Variants in ITGA4 observed in about 807,000 individuals in gnomAD.
ITGA4 encodes integrin alpha-4.
Under a neutral mutation model 133.6 loss-of-function variants are expected in ITGA4, and 63 were observed. The ratio of observed to expected loss-of-function variants is 0.47; its 90% CI spans 0.38 to 0.58. ITGA4 has a LOEUF of 0.58. Ranked by LOEUF, ITGA4 falls within the 20% of genes least tolerant of loss-of-function variation. The pLI is 0.00. For missense variants in ITGA4, 1,076 were observed against 1,252.7 expected (o/e 0.86, Z 2.13); for synonymous variants, 483 against 438.0 (o/e 1.10, Z -1.28).
chr2:181,529,962 T>C (rs1274554422), intron 23 of ITGA4, among the ~76,000 whole-genome samples: 3 of 152,212 alleles, frequency 2.0e-5, no homozygotes, highest in African/African-American at 7.2e-5. Flanking sequence ...GTAACTTCTA[T>C]TAGTAGAATT....
chr2:181,471,275 C>T (rs2105722299), intron 2 of ITGA4, among the ~76,000 whole-genome samples: 1 of 152,226 alleles, frequency 6.6e-6, no homozygotes, highest in Non-Finnish European at 1.5e-5. Context: ...ACTGACCTTT[C>T]CATTTCAGCA....
intron 6 of ITGA4, 22 bp downstream of exon 6, chr2:181,480,288 T>A: frequency 7.7e-7 from 1 of 1,301,324 alleles, no homozygotes; most frequent in East Asian, 2.5e-5. Context: ...ATTGACAAAC[T>A]TAAATGATCT....
In ITGA4 at chr2:181,536,142, G is replaced by T. The variant is rs917492267; in HGVS notation, c.*615G>T. Reference sequence around the variant, plus strand: ...TTATAGGCCAAACTGGCAAACTTCAGACTGAACATGTACACTGGTTTGAGC... The same window carrying T: ...TTATAGGCCAAACTGGCAAACTTCATACTGAACATGTACACTGGTTTGAGC... On this transcript the variant is annotated 3_prime_UTR_variant, in exon 28 of 28. Coordinates refer to ENST00000397033, the MANE Select transcript of ITGA4 (RefSeq NM_000885.6). 6.6e-6 allele frequency: 1 copy of T among 151,758 alleles called. No individual in the cohort carries two copies. Among genetic ancestry groups the T allele is most frequent in the African/African-American group, 2.4e-5 (1 of 41,370 alleles). The allele number at this position is 151,758 out of a possible 1,614,324, so 9.4% of individuals were successfully genotyped here.
At chr2:181,489,350 T>G (rs1228943496) in intron 10 of ITGA4, among the ~76,000 whole-genome samples, 1 of 148,816 alleles carries the variant, frequency 6.7e-6, no homozygotes, top group Non-Finnish European at 1.5e-5. Flanking sequence ...AGATGACCAA[T>G]TGATTTGGCA....
At chr2:181,483,596 T>C (rs1048436142) in intron 9 of ITGA4, among the ~76,000 whole-genome samples, 4 of 152,214 alleles carry the variant, frequency 2.6e-5, no homozygotes, top group Admixed American at 2.6e-4. Flanking sequence ...GTCTCATAAA[T>C]GGAAGATTCT....
intron 10 of ITGA4, among the ~76,000 whole-genome samples, chr2:181,489,891 G>C (rs1395821580): frequency 6.6e-6 from 1 of 152,174 alleles, no homozygotes; most frequent in African/African-American, 2.4e-5. Flanking sequence ...AGTTAAAGAA[G>C]GAAGGGGTTT....
chr2:181,467,225 TAAAA>T, intron 2 of ITGA4, among the ~76,000 whole-genome samples: 1 of 149,654 alleles, frequency 6.7e-6, no homozygotes, highest in Middle Eastern at 3.4e-3. Context: ...AGCTTCAGCT[TAAAA>T]AAAAAAGACA....
chr2:181,525,380 A>G, intron 21 of ITGA4, 89 bp downstream of exon 21: 3 of 660,498 alleles, frequency 4.5e-6, no homozygotes, highest in Non-Finnish European at 7.8e-6. Flanking sequence ...GTATTCTAGA[A>G]TTTTTTTAAA....
chr2:181,523,897 G>T lies in ITGA4; in HGVS notation c.2170-274G>T, dbSNP rs1335486048. ...TTTGGCAAGAGTCTCCACTCAAGTT[G>T]TGAAAGCATTTCTAATTTTGTCTAG... On this transcript the variant is annotated intron_variant, in intron 19 of 27. Coordinates refer to ENST00000397033, the MANE Select transcript of ITGA4 (RefSeq NM_000885.6). The surrounding 1 kb of genome is among the most constrained non-coding windows in gnomAD (Gnocchi z 4.2). 6.6e-6 allele frequency among the ~76,000 whole-genome samples: 1 copy of T among 152,120 alleles called. No individual in the cohort carries two copies. Among genetic ancestry groups the T allele is most frequent in the African/African-American group, 2.4e-5 (1 of 41,434 alleles).
At position 181,457,736 on chromosome 2, in the gene ITGA4, G is replaced by T. The variant is rs202188020; in HGVS notation, c.82G>T (p.Val28Phe). ...ETVMLLLCLG[V>F]PTGRPYNVDT... ...GGTGATGCTGTTGCTGTGCCTGGGG[G>T]TCCCGACCGGCCGCCCCTACAACGT... Residue 28 changes from valine (V) to phenylalanine (F), a missense_variant, in exon 1 of 28, where the codon GTC (valine) becomes TTC (phenylalanine). By Grantham distance (50) the Val-to-Phe change is conservative (BLOSUM62 -1). Around this residue, in one of 4 missense-constraint regions of ITGA4, gnomAD observed 82 missense variants for 68.3 expected, o/e 1.20. Transcript: ENST00000397033. The T allele has an allele frequency of 2.5e-4, 405 of 1,612,830 alleles. 1 individual carries two copies. Among genetic ancestry groups the T allele is most frequent in the Non-Finnish European group, 3.2e-4 (379 of 1,179,792 alleles).
chr2:181,469,528 C>T (rs1685496244), intron 2 of ITGA4, among the ~76,000 whole-genome samples: 1 of 152,128 alleles, frequency 6.6e-6, no homozygotes, highest in Non-Finnish European at 1.5e-5. Flanking sequence ...GGATCTAGAA[C>T]TAGAAAATAC....
At chr2:181,487,895 G>A (rs1291164709) in intron 10 of ITGA4, among the ~76,000 whole-genome samples, 2 of 152,180 alleles carry the variant, frequency 1.3e-5, no homozygotes, top group Non-Finnish European at 2.9e-5. Flanking sequence ...CCATGTTTAT[G>A]CATTTTGATT....
In ITGA4 at chr2:181,534,275, G is replaced by A; in HGVS notation, c.2788G>A (p.Glu930Lys). Reference sequence around the variant, plus strand: ...TGATCCTTCTTTTATTAAACAGGATGAGACTTCAGCACTCAAGTTTGAAAT... The same window carrying A: ...TGATCCTTCTTTTATTAAACAGGATAAGACTTCAGCACTCAAGTTTGAAAT... ...EGRPSILEMD[E>K]TSALKFEIRA... Residue 930 changes from glutamate (E) to lysine (K), a missense_variant, in exon 26 of 28, where the codon GAG becomes AAG. Physicochemically the swap from Glu to Lys is moderately conservative, Grantham distance 56. Transcript: ENST00000397033. The A allele has an allele frequency of 6.3e-7, 1 of 1,587,748 alleles. No individual in the cohort carries two copies. Among genetic ancestry groups the A allele is most frequent in the Admixed American group, 1.7e-5 (1 of 59,948 alleles).
Position 181,488,434 on chromosome 2 carries a change from A to G in ITGA4, c.1153+2442A>G, listed in dbSNP as rs1053235082. 2.0e-5 allele frequency among the ~76,000 whole-genome samples: 3 copies of G among 152,152 alleles called. No individual in the cohort carries two copies. The South Asian group carries it at 6.2e-4, about 32-fold the overall frequency. ...AAATGATTTTTTAAAATATTCCTGCATATTTTTGTGCTATTTATAATGTCA... is the reference window on the plus strand; with the variant it reads ...AAATGATTTTTTAAAATATTCCTGCGTATTTTTGTGCTATTTATAATGTCA... On this transcript the variant is annotated intron_variant, in intron 10 of 27. Transcript: ENST00000397033.
At chr2:181,498,526 T>A (rs1392873268) in intron 14 of ITGA4, 97 bp from the exon 15 acceptor site, 1 of 600,166 alleles carries the variant, frequency 1.7e-6, no homozygotes, top group Non-Finnish European at 2.7e-6. Context: ...AGATATTATT[T>A]CCAGTAGTCC....
intron 21 of ITGA4, among the ~76,000 whole-genome samples, chr2:181,526,069 T>C (rs543386496): frequency 4.6e-5 from 7 of 152,322 alleles, no homozygotes; most frequent in South Asian, 2.1e-4. Flanking sequence ...AAAGGTGATA[T>C]ACAGTCATGT....
chr2:181,497,521 T>G (rs909942067), intron 14 of ITGA4, among the ~76,000 whole-genome samples: 1 of 152,192 alleles, frequency 6.6e-6, no homozygotes, highest in African/African-American at 2.4e-5. Flanking sequence ...TCTCAGTTAT[T>G]ATAATTTTGA....
Position 181,495,191 on chromosome 2 carries a change from T to G in ITGA4, c.1340-180T>G, listed in dbSNP as rs1166498138. ...ATATATCATAATGGGATGAATGTTG[T>G]ACATGAATAGATTCAGAGAAAAGTG... On this transcript the variant is annotated intron_variant, in intron 12 of 27. Transcript: ENST00000397033. This position sits in a 1 kb window ranked among gnomAD's most constrained non-coding sequence, Gnocchi z 4.3. Among the ~76,000 whole-genome samples, 1 of 152,224 alleles carries G rather than the reference T, an allele frequency of 6.6e-6. No individual in the cohort carries two copies.
chr2:181,537,722 G>A lies in ITGA4; in HGVS notation c.*2195G>A. The A allele has an allele frequency of 2.3e-6, 1 of 430,292 alleles. No homozygotes were observed. Among genetic ancestry groups the A allele is most frequent in the Non-Finnish European group, 4.6e-6 (1 of 215,868 alleles). 26.7% of individuals were successfully genotyped at this position (430,292 alleles called of 1,614,324 possible). ...TGATGGTTGCAAAGTTTTTTTGTGT[G>A]TCCAATAAACACATTGTAAAAAAAA... On this transcript the variant is annotated 3_prime_UTR_variant, in exon 28 of 28. Coordinates refer to ENST00000397033, the MANE Select transcript of ITGA4 (RefSeq NM_000885.6).
Sources: gnomAD v4.1 joint callset for allele counts (sites outside exome capture counted in the v4.1 genomes callset) on GRCh38, gnomAD v4.1.1 for gene constraint, gnomAD v4.1.1 regional missense constraint, Gnocchi (gnomAD v3.1) non-coding constraint, MANE v1.5 for transcripts, NCBI Gene and HGNC (gene_info 2026-07-23, HGNC 2026-07-21) for gene names.